Variants in MON1A observed in about 807,000 individuals in gnomAD.
MON1A encodes MON1 vesicular trafficking associated A, also known as vacuolar fusion protein MON1 homolog A.
MON1A carries 29 observed loss-of-function variants against 44.6 expected under a neutral mutation model. The observed-to-expected ratio is 0.65, with a 90% confidence interval of 0.48 to 0.89. The LOEUF (loss-of-function observed/expected upper bound fraction) is 0.89, where lower values mean the gene tolerates loss of function less well. Ranked by LOEUF, MON1A falls within the 40% of genes least tolerant of loss-of-function variation. The pLI, the probability that MON1A is intolerant of heterozygous loss-of-function variation, is 0.00. For synonymous variants in MON1A, 275 were observed against 316.4 expected, an observed-to-expected ratio of 0.87 and a Z score of 1.39; for missense variants, 615 against 759.6, an observed-to-expected ratio of 0.81 and a Z score of 2.24.
In MON1A at chr3:49,910,190, G is replaced by A. The variant is rs766674199; in HGVS notation, c.1308C>T (p.Ser436=). Residue 436 remains serine, a synonymous_variant, in exon 4 of 6, where the codon AGC becomes AGT. Coordinates refer to ENST00000296473, the MANE Select transcript of MON1A (RefSeq NM_032355.4). The surrounding 1 kb of genome is among the most constrained non-coding windows in gnomAD (Gnocchi z 8.0). ...LREALRTPYY[S]VAQVGIPDLR... is the part of the protein sequence containing the mutation. ...GGTCAGGGATGCCCACTTGGGCAAC[G>A]CTGTAGTAGGGTGTGCGCAGTGCCT... is the stretch of plus-strand genomic sequence containing the variant. The A allele has an allele frequency of 3.7e-6, 6 of 1,613,188 alleles. No homozygotes were observed. The highest frequency in any genetic ancestry group is 4.5e-5 in the East Asian group (2 of 44,838).
intron 1 of MON1A, among the ~76,000 whole-genome samples, chr3:49,921,728 C>A (rs978253751): frequency 6.6e-6 from 1 of 151,390 alleles, no homozygotes; most frequent in African/African-American, 2.4e-5. Context: ...CACCACCCCA[C>A]CATGCACTAC....
chr3:49,910,579 TCA>T lies in MON1A; in HGVS notation c.917_918del (p.Val306GlufsTer47), dbSNP rs1559491418. 12 of 1,608,658 alleles carry T rather than the reference TCA, an allele frequency of 7.5e-6. No homozygotes were observed. The highest frequency in any genetic ancestry group is 4.5e-5 in the East Asian group (2 of 44,646). On this transcript the variant is annotated frameshift_variant, in exon 4 of 6. Transcript: ENST00000296473. LOFTEE classifies it high-confidence loss of function. This position sits in a 1 kb window ranked among gnomAD's most constrained non-coding sequence, Gnocchi z 8.0. Reference protein sequence around the residue: ...LPLAAAVRDTVSASLQQARAR... With the variant: ...LPLAAAVRDTXSASLQQARAR... ...GCACGCGCCTGCTGCAGGCTGGCGC[TCA>T]CAGTGTCGCGCACGGCCGCCGCCAG... is the stretch of plus-strand genomic sequence containing the variant.
At chr3:49,924,397 G>T in intron 1 of MON1A, 1 of 179,094 alleles carries the variant, frequency 5.6e-6, no homozygotes, top group Non-Finnish European at 1.2e-5. Context: ...AACAATGTGT[G>T]GCTGGGGACA....
At chr3:49,917,431 G>A (rs145925405) in intron 1 of MON1A, among the ~76,000 whole-genome samples, 2,403 of 152,060 alleles carry the variant, frequency 0.016, 28 homozygotes, top group Non-Finnish European at 0.025. Flanking sequence ...GACTATAGGC[G>A]CCCGCCACCA....
At position 49,910,140 on chromosome 3, in the gene MON1A, T is replaced by C; in HGVS notation, c.1358A>G (p.Lys453Arg). The part of the protein sequence containing the change: ...PDLRHFLYKS[K>R]SSGLFTSPEI... ...TCACCTGGTGAAGAGTCCCGAGCTC[T>C]TTGACTTATAGAGGAAGTGACGCAG... Residue 453 changes from lysine (K) to arginine (R), a missense_variant, in exon 4 of 6, where the codon AAG becomes AGG. Transcript: ENST00000296473. The surrounding 1 kb of genome is among the most constrained non-coding windows in gnomAD (Gnocchi z 8.0). 6.2e-7 allele frequency: 1 copy of C among 1,602,624 alleles called. No individual in the cohort carries two copies. The highest frequency in any genetic ancestry group is 8.5e-7 in the Non-Finnish European group (1 of 1,171,290).
rs1559492025 is a variant in MON1A at position 49,911,245 on chromosome 3, G to GAT, written c.613+280_613+281insAT. 5.9e-4 allele frequency among the ~76,000 whole-genome samples: 46 copies of GAT among 78,314 alleles called. No individual in the cohort carries two copies. The highest frequency in any genetic ancestry group is 1.9e-3 in the African/African-American group (37 of 19,186). The allele number at this position is 78,314 out of a possible 152,430, so 51.4% of individuals were successfully genotyped here. A position where few individuals can be genotyped will look rare whatever the true frequency, so the allele number is the denominator to read the frequency against. ...AGATAGATAGATAGATAGATAGATA[G>GAT]AGTTTGTTGTTGTTGTTGTTGTTGC... is the stretch of plus-strand genomic sequence containing the variant. On this transcript the variant is annotated intron_variant, in intron 3 of 5. Coordinates refer to ENST00000296473, the MANE Select transcript of MON1A (RefSeq NM_032355.4). This position sits in a 1 kb window ranked among gnomAD's most constrained non-coding sequence, Gnocchi z 5.7.
intron 2 of MON1A, chr3:49,912,704 G>A (rs1420373725): frequency 4.1e-6 from 1 of 245,150 alleles, no homozygotes; most frequent in Non-Finnish European, 8.1e-6. Flanking sequence ...TCAGGGCAGG[G>A]ACCAGGTCAG....
rs2082880496 is a variant in MON1A, at chr3:49,911,234, ATAGATAGATAGAGT to A, written c.613+278_613+291del. ...GATAGATAGATAGATAGATAGATAG[ATAGATAGATAGAGT>A]TTGTTGTTGTTGTTGTTGTTGCCTC... On this transcript the variant is annotated intron_variant, in intron 3 of 5. Transcript: ENST00000296473. This position sits in a 1 kb window ranked among gnomAD's most constrained non-coding sequence, Gnocchi z 5.7. 6.6e-6 allele frequency among the ~76,000 whole-genome samples: 1 copy of A among 151,836 alleles called. No individual in the cohort carries two copies. Among genetic ancestry groups the A allele is most frequent in the African/African-American group, 2.4e-5 (1 of 41,260 alleles).
intron 1 of MON1A, 173 bp downstream of exon 1, chr3:49,929,436 T>A: frequency 1.3e-6 from 1 of 766,864 alleles, no homozygotes; most frequent in Non-Finnish European, 2.2e-6. Flanking sequence ...TCGCCTTTTG[T>A]ATTCCCCAGC....
intron 1 of MON1A, among the ~76,000 whole-genome samples, chr3:49,921,656 T>A (rs1350333752): frequency 3.1e-5 from 4 of 130,936 alleles, no homozygotes; most frequent in Admixed American, 3.0e-4. Flanking sequence ...TTTTTTTTTT[T>A]AAGAGATGGG....
intron 1 of MON1A, among the ~76,000 whole-genome samples, chr3:49,918,951 G>A (rs775694149): frequency 6.6e-6 from 1 of 152,162 alleles, no homozygotes; most frequent in Non-Finnish European, 1.5e-5. Flanking sequence ...GGAGGCCTAG[G>A]TGGGCAAACC....
Position 49,913,070 on chromosome 3 carries a change from C to T in MON1A, c.127+150G>A, listed in dbSNP as rs1257667405. 5 of 1,050,470 alleles carry T rather than the reference C, an allele frequency of 4.8e-6. No homozygotes were observed. The African/African-American group carries it at 7.8e-5, about 16-fold the overall frequency. 65.1% of individuals were successfully genotyped at this position (1,050,470 alleles called of 1,614,324 possible). ...AAGCCAGATGCAGAATGAGCCTGGC[C>T]TCCTGCCTTATCCCCAGAACCTGAC... On this transcript the variant is annotated intron_variant, in intron 2 of 5. Coordinates refer to ENST00000296473, the MANE Select transcript of MON1A (RefSeq NM_032355.4).
At chr3:49,929,183 C>A (rs753029553) in intron 1 of MON1A, among the ~76,000 whole-genome samples, 10 of 152,246 alleles carry the variant, frequency 6.6e-5, no homozygotes, top group Non-Finnish European at 1.0e-4. Context: ...GATCACACCA[C>A]TGCACTCCAG....
At chr3:49,917,395 C>T (rs926862741) in intron 1 of MON1A, among the ~76,000 whole-genome samples, 5 of 152,274 alleles carry the variant, frequency 3.3e-5, no homozygotes, top group African/African-American at 1.2e-4. Flanking sequence ...ATGCCATTCT[C>T]CTGCCTCAGC....
Position 49,910,232 on chromosome 3 carries a change from G to T in MON1A, c.1266C>A (p.Ala422=), listed in dbSNP as rs749051605. ...GCAGTGCCTCTCGCAGGGCCAGGTGGGCTCCGCGCTTGCGAAGGCGCTCCT... is the reference window on the plus strand; with the variant it reads ...GCAGTGCCTCTCGCAGGGCCAGGTGTGCTCCGCGCTTGCGAAGGCGCTCCT... The part of the protein sequence containing the change: ...RFQERLRKRG[A]HLALREALRT... Residue 422 remains alanine (A), a synonymous_variant, in exon 4 of 6, where the codon GCC becomes GCA. Coordinates refer to ENST00000296473, the MANE Select transcript of MON1A (RefSeq NM_032355.4). The surrounding 1 kb of genome is among the most constrained non-coding windows in gnomAD (Gnocchi z 8.0). 1 of 1,614,106 alleles carries T rather than the reference G, an allele frequency of 6.2e-7. No individual in the cohort carries two copies. Among genetic ancestry groups the T allele is most frequent in the Non-Finnish European group, 8.5e-7 (1 of 1,179,994 alleles).
At position 49,911,839 on chromosome 3, in the gene MON1A, C is replaced by G; in HGVS notation, c.300G>C (p.Gln100His). ...ISQDFSELST[Q>H]LTGVARDLQE... ...GCAGGTCCCGGGCCACACCCGTCAG[C>G]TGGGTGCTTAGCTCGCTAAAGTCCT... Residue 100 changes from glutamine (Q) to histidine (H), a missense_variant, in exon 3 of 6, where the codon CAG becomes CAC. Gln to His is a conservative substitution (Grantham distance 24, BLOSUM62 0). Transcript: ENST00000296473. This position sits in a 1 kb window ranked among gnomAD's most constrained non-coding sequence, Gnocchi z 5.7. The G allele has an allele frequency of 6.2e-7, 1 of 1,614,118 alleles. No individual in the cohort carries two copies. The highest frequency in any genetic ancestry group is 8.5e-7 in the Non-Finnish European group (1 of 1,180,002).
At position 49,909,372 on chromosome 3, in the gene MON1A, C is replaced by T; in HGVS notation, c.1408G>A (p.Glu470Lys). Residue 470 changes from glutamate to lysine, a missense_variant, in exon 5 of 6, where the codon GAA becomes AAA. By Grantham distance (56) the Glu-to-Lys change is moderately conservative. Transcript: ENST00000296473. This position sits in a 1 kb window ranked among gnomAD's most constrained non-coding sequence, Gnocchi z 4.0. Reference sequence around the variant, plus strand: ...CCCAGCAGCCGCTCCTGCTCCTCTTCACTGGTGTATGGGGCCTCAATCTCA... The same window carrying T: ...CCCAGCAGCCGCTCCTGCTCCTCTTTACTGGTGTATGGGGCCTCAATCTCA... ...SPEIEAPYTS[E>K]EEQERLLGLY... 1 of 1,614,112 alleles carries T rather than the reference C, an allele frequency of 6.2e-7. No individual in the cohort carries two copies. Among genetic ancestry groups the T allele is most frequent in the Non-Finnish European group, 8.5e-7 (1 of 1,180,006 alleles).
intron 1 of MON1A, among the ~76,000 whole-genome samples, chr3:49,929,040 G>A (rs2083072905): frequency 1.3e-5 from 2 of 152,084 alleles, no homozygotes; most frequent in Admixed American, 1.3e-4. Context: ...GTGAAACCCC[G>A]TCTCTACTAA....
chr3:49,909,069 C>T lies in MON1A; in HGVS notation c.1613G>A (p.Arg538His), dbSNP rs2082843549. The T allele has an allele frequency of 8.1e-6, 13 of 1,613,914 alleles. No individual in the cohort carries two copies. Among genetic ancestry groups the T allele is most frequent in the East Asian group, 2.2e-5 (1 of 44,876 alleles). ...SAVSAIHKLM[R>H]WIRKEEDRLF... ...GCGGTCTTCCTCTTTGCGGATCCAG[C>T]GCATCAGCTTATGGATGGCACTGAC... is the stretch of plus-strand genomic sequence containing the variant. Residue 538 changes from arginine to histidine, a missense_variant, in exon 6 of 6, where the codon CGC (arginine) becomes CAC (histidine). Transcript: ENST00000296473. This position sits in a 1 kb window ranked among gnomAD's most constrained non-coding sequence, Gnocchi z 4.0.
Sources: allele counts gnomAD v4.1 joint callset (sites outside exome capture counted in the v4.1 genomes callset), GRCh38; gene constraint gnomAD v4.1.1; non-coding constraint Gnocchi (gnomAD v3.1); transcripts MANE v1.5; gene names NCBI Gene and HGNC (gene_info 2026-07-23, HGNC 2026-07-21).